DNAH7: variants seen among roughly 807,000 people sequenced by gnomAD.
DNAH7 encodes the protein dynein axonemal heavy chain 7.
DNAH7 carries 397 observed loss-of-function variants against 444.6 expected under a neutral mutation model. That is an observed-to-expected ratio of 0.89 (90% CI 0.82 to 0.97). The LOEUF (loss-of-function observed/expected upper bound fraction) is 0.97. Ranked by LOEUF, DNAH7 falls within the 50% of genes least tolerant of loss-of-function variation. The pLI is 0.00. For synonymous variants in DNAH7, 1,636 were observed against 1,624.4 expected, an observed-to-expected ratio of 1.01 and a Z score of -0.17; for missense variants, 4,902 against 4,800.8, an observed-to-expected ratio of 1.02 and a Z score of -0.62.
intron 17 of DNAH7, 29 bp from the exon 18 acceptor site, chr2:195,960,974 T>C (rs769394661): frequency 1.8e-5 from 26 of 1,458,388 alleles, no homozygotes; most frequent in Non-Finnish European, 2.2e-5. Context: ...AATATATTAG[T>C]TATTTTGAAA....
At chr2:195,927,167 C>T (rs149145148) in intron 21 of DNAH7, among the ~76,000 whole-genome samples, 1 of 152,250 alleles carries the variant, frequency 6.6e-6, no homozygotes, top group Admixed American at 6.5e-5. Context: ...TAATTTTGTA[C>T]TTCAATACCT....
At chr2:195,919,263 G>C (rs2125338072) in intron 24 of DNAH7, among the ~76,000 whole-genome samples, 2 of 151,806 alleles carry the variant, frequency 1.3e-5, no homozygotes, top group South Asian at 4.2e-4. Context: ...GATGTTAATG[G>C]AAGAAACTGG....
In DNAH7 at chr2:195,972,443, T is replaced by C; in HGVS notation, c.1857A>G (p.Val619=). 6.2e-7 allele frequency: 1 copy of C among 1,614,036 alleles called. No individual in the cohort carries two copies. The highest frequency in any genetic ancestry group is 8.5e-7 in the Non-Finnish European group (1 of 1,179,946). ...EMKAYIQKVE[V]TDMIELEQRL... The stretch of plus-strand genomic sequence containing the variant: ...TCTGTTCTAGTTCAATCATATCAGT[T>C]ACCTCCACTTTCTGAATGTAAGCCT... Residue 619 remains valine (V), a synonymous_variant, in exon 16 of 65, where the codon GTA becomes GTG. Coordinates refer to ENST00000312428, the MANE Select transcript of DNAH7 (RefSeq NM_018897.3).
chr2:195,841,545 C>A (rs1037788386), intron 47 of DNAH7, among the ~76,000 whole-genome samples: 1 of 151,798 alleles, frequency 6.6e-6, no homozygotes, highest in Non-Finnish European at 1.5e-5. Flanking sequence ...AACAAATATA[C>A]CAACAATTGT....
Position 195,988,108 on chromosome 2 carries a change from C to T in DNAH7, c.1475G>A (p.Arg492Lys). ...KESVAPTEHL[R>K]LYDKYDFLIT... is the part of the protein sequence containing the mutation. Reference sequence around the variant, plus strand: ...TAAAAAGTCATACTTGTCATAGAGTCTGAGGTGCTCAGTAGGTGCCACACT... The same window carrying T: ...TAAAAAGTCATACTTGTCATAGAGTTTGAGGTGCTCAGTAGGTGCCACACT... The change falls in exon 13 of 65, where the codon AGA becomes AAA. Residue 492 changes from arginine (R) to lysine (K), a missense_variant. Transcript: ENST00000312428. The T allele has an allele frequency of 6.2e-7, 1 of 1,613,780 alleles. No individual in the cohort carries two copies. Among genetic ancestry groups the T allele is most frequent in the East Asian group, 2.2e-5 (1 of 44,850 alleles).
At chr2:196,002,760 C>T (rs1239119811) in intron 10 of DNAH7, among the ~76,000 whole-genome samples, 2 of 152,018 alleles carry the variant, frequency 1.3e-5, no homozygotes, top group Non-Finnish European at 2.9e-5. Flanking sequence ...GTAGTCTCAC[C>T]ACTTTGGGAG....
At chr2:196,067,987 G>A (rs1165607003) in intron 1 of DNAH7, among the ~76,000 whole-genome samples, 1 of 152,056 alleles carries the variant, frequency 6.6e-6, no homozygotes, top group Non-Finnish European at 1.5e-5. Context: ...CTTTCTGTTA[G>A]TTGCTCTTAA....
chr2:195,862,060 G>C lies in DNAH7; in HGVS notation c.7507-114C>G, dbSNP rs1700048196. The stretch of plus-strand genomic sequence containing the variant: ...GGGGGTGAAGGGGAATAGTGTGAGG[G>C]ATGGTGTGGGAGAGACAATTTCATA... On this transcript the variant is annotated intron_variant, in intron 41 of 64. Transcript: ENST00000312428. 6.4e-6 allele frequency: 5 copies of C among 783,628 alleles called. No homozygotes were observed. In the Admixed American group the frequency reaches 1.0e-4, roughly 16 times the overall value. 48.5% of individuals were successfully genotyped at this position (783,628 alleles called of 1,614,324 possible). A position where few individuals can be genotyped will look rare whatever the true frequency, so the allele number is the denominator to read the frequency against.
At chr2:195,962,883 C>T (rs1387780780) in intron 17 of DNAH7, among the ~76,000 whole-genome samples, 4 of 151,974 alleles carry the variant, frequency 2.6e-5, no homozygotes, top group Admixed American at 2.6e-4. Context: ...TCTTTCTGTG[C>T]CTGGCTTATT....
In DNAH7 at chr2:195,881,892, G is replaced by A; in HGVS notation, c.5864C>T (p.Thr1955Ile). The A allele has an allele frequency of 6.2e-7, 1 of 1,613,980 alleles. No homozygotes were observed. The highest frequency in any genetic ancestry group is 8.5e-7 in the Non-Finnish European group (1 of 1,179,908). ...TTCCATTAATGCAGAGTATCGAATT[G>A]TGTCCAGAGTTGGCACAATGATTTC... ...FNEIIVPTLDTIRYSALMELL... is the reference protein window; with the variant it reads ...FNEIIVPTLDIIRYSALMELL... The change falls in exon 36 of 65, where the codon ACA becomes ATA. Residue 1955 changes from threonine to isoleucine, a missense_variant. Physicochemically the swap from Thr to Ile is moderately conservative, Grantham distance 89. Transcript: ENST00000312428.
chr2:196,033,105 A>T (rs761177417), intron 5 of DNAH7, among the ~76,000 whole-genome samples: 2 of 152,146 alleles, frequency 1.3e-5, no homozygotes, highest in Admixed American at 1.3e-4. Flanking sequence ...ATGATAAAAG[A>T]TATCTATTTC....
chr2:195,936,852 T>G lies in DNAH7; in HGVS notation c.3079-60A>C, dbSNP rs1689089774. 22 of 1,175,286 alleles carry G rather than the reference T, an allele frequency of 1.9e-5. No homozygotes were observed. In the South Asian group the frequency reaches 4.2e-4, roughly 23 times the overall value. The allele number at this position is 1,175,286 out of a possible 1,614,324, so 72.8% of individuals were successfully genotyped here. A position where few individuals can be genotyped will look rare whatever the true frequency, so the allele number is the denominator to read the frequency against. ...ATATTAGATACTAACTCTATTTATA[T>G]TCATATTATATTTGAGATTATATGT... On this transcript the variant is annotated intron_variant, in intron 19 of 64. Transcript: ENST00000312428.
rs573723581 is a variant in DNAH7 at position 195,964,874 on chromosome 2, C to A, written c.2206-3929G>T. Among the ~76,000 whole-genome samples the A allele has an allele frequency of 3.8e-5, 5 of 132,006 alleles. No homozygotes were observed. In the South Asian group the frequency reaches 1.1e-3, roughly 30 times the overall value. 86.6% of individuals were successfully genotyped at this position (132,006 alleles called of 152,430 possible). ...CCTGGGTGACAGAGTGAGACTCCGT[C>A]TCAAAAAAAAAAAAAAAGTTCATAT... On this transcript the variant is annotated intron_variant, in intron 17 of 64. Transcript: ENST00000312428.
intron 58 of DNAH7, among the ~76,000 whole-genome samples, chr2:195,778,338 AT>A (rs940349365): frequency 2.6e-5 from 4 of 151,904 alleles, no homozygotes; most frequent in African/African-American, 9.7e-5. Flanking sequence ...TGCAAAGCAG[AT>A]AGAGTGTAAT....
chr2:195,814,607 A>G (rs892341875), intron 51 of DNAH7, among the ~76,000 whole-genome samples: 1 of 152,260 alleles, frequency 6.6e-6, no homozygotes, highest in Non-Finnish European at 1.5e-5. Context: ...CTTGATTTTA[A>G]GCTAATTAAC....
intron 1 of DNAH7, among the ~76,000 whole-genome samples, chr2:196,065,343 T>C (rs1397911109): frequency 1.3e-5 from 2 of 152,234 alleles, no homozygotes; most frequent in African/African-American, 4.8e-5. Context: ...TTAGACTTAT[T>C]CTTAGGTATA....
At chr2:196,058,708 C>A (rs1697964983) in intron 1 of DNAH7, among the ~76,000 whole-genome samples, 1 of 152,072 alleles carries the variant, frequency 6.6e-6, no homozygotes, top group Admixed American at 6.5e-5. Context: ...AATAAAAGGA[C>A]AACCCATGTT....
chr2:195,771,943 G>C (rs1457421452), intron 60 of DNAH7, 53 bp from the exon 61 acceptor site: 4 of 1,422,480 alleles, frequency 2.8e-6, no homozygotes, highest in Non-Finnish European at 3.0e-6. Context: ...TCTAACAATA[G>C]CTGAATAGGA....
intron 5 of DNAH7, among the ~76,000 whole-genome samples, chr2:196,041,955 G>A (rs1394034703): frequency 6.6e-6 from 1 of 152,004 alleles, no homozygotes; most frequent in Non-Finnish European, 1.5e-5. Context: ...ACAGATGTGT[G>A]AAAACTTGCT....
Sources: allele counts gnomAD v4.1 joint callset (sites outside exome capture counted in the v4.1 genomes callset), GRCh38; gene constraint gnomAD v4.1.1; transcripts MANE v1.5; gene names NCBI Gene and HGNC (gene_info 2026-07-23, HGNC 2026-07-21).